Variants in PPAN observed in about 807,000 individuals in gnomAD.
PPAN encodes the protein suppressor of SWI4 1 homolog.
In PPAN, 39 loss-of-function variants were observed where a neutral mutation model predicts 48.5. The observed-to-expected ratio is 0.80, with a 90% CI of 0.62 to 1.05. PPAN has a LOEUF of 1.05. Among genes scored for constraint, PPAN ranks in the 50% least tolerant of loss-of-function variants. The pLI is 0.00. For missense variants in PPAN, 736 were observed against 661.7 expected (o/e 1.11, Z -1.23); for synonymous variants, 315 against 268.6 (o/e 1.17, Z -1.69).
In PPAN at chr19:10,109,874, C is replaced by G. The variant is rs751234089; in HGVS notation, c.591-39C>G. The G allele has an allele frequency of 2.5e-5, 40 of 1,610,566 alleles. No homozygotes were observed. In the South Asian group the frequency reaches 3.4e-4, roughly 14 times the overall value. On this transcript the variant is annotated intron_variant, in intron 6 of 11. Transcript: ENST00000253107. ...GGCACCGCCAGCCCCATCACGTGCC[C>G]CCTGACCACCCCCTTGCCGTCCACT... is the stretch of plus-strand genomic sequence containing the variant.
chr19:10,110,549 G>A lies in PPAN; in HGVS notation c.966G>A (p.Lys322=), dbSNP rs770371376. Residue 322 remains lysine, a synonymous_variant, in exon 10 of 12, where the codon AAG becomes AAA. Coordinates refer to ENST00000253107, the MANE Select transcript of PPAN (RefSeq NM_020230.7). This position sits in a 1 kb window ranked among gnomAD's most constrained non-coding sequence, Gnocchi z 5.9. ...LEAKEKKLRL[K]AQRQAQQAQN... is the part of the protein sequence containing the mutation. ...CCAAGGAGAAGAAGCTGCGGCTGAA[G>A]GCGCAGAGGCAGGCCCAGCAGGCCC... is the stretch of plus-strand genomic sequence containing the variant. 2.5e-6 allele frequency: 4 copies of A among 1,609,640 alleles called. No homozygotes were observed. The highest frequency in any genetic ancestry group is 1.3e-5 in the African/African-American group (1 of 74,858).
intron 5 of PPAN, 34 bp from the exon 6 acceptor site, chr19:10,109,597 T>A (rs1236324708): frequency 6.3e-7 from 1 of 1,591,890 alleles, no homozygotes; most frequent in Non-Finnish European, 8.6e-7. Context: ...TTGCCATGAG[T>A]CTACTGGACT....
At position 10,110,588 on chromosome 19, in the gene PPAN, C is replaced by T; in HGVS notation, c.1005C>T (p.Arg335=). ...RQAQQAQNVQ[R]KQEQREAHRK... Reference sequence around the variant, plus strand: ...CCCAGCAGGCCCAGAATGTGCAGCGCAAGCAGGAGCAGCGGGAGGCCCACA... The same window carrying T: ...CCCAGCAGGCCCAGAATGTGCAGCGTAAGCAGGAGCAGCGGGAGGCCCACA... The change falls in exon 10 of 12, where the codon CGC becomes CGT. Residue 335 remains arginine, a synonymous_variant. Transcript: ENST00000253107. This position sits in a 1 kb window ranked among gnomAD's most constrained non-coding sequence, Gnocchi z 5.9. 2 of 1,602,768 alleles carry T rather than the reference C, an allele frequency of 1.2e-6. No individual in the cohort carries two copies. The highest frequency in any genetic ancestry group is 1.7e-6 in the Non-Finnish European group (2 of 1,175,538).
At chr19:10,109,373 C>G (rs372460708) in intron 5 of PPAN, among the ~76,000 whole-genome samples, 13 of 152,164 alleles carry the variant, frequency 8.5e-5, no homozygotes, top group African/African-American at 3.1e-4. Context: ...GCGTGCACCA[C>G]CACATCCAAC....
intron 6 of PPAN, 54 bp downstream of exon 6, chr19:10,109,761 A>C: frequency 6.3e-7 from 1 of 1,595,756 alleles, no homozygotes; most frequent in East Asian, 2.2e-5. Flanking sequence ...GGGCCTCCAC[A>C]TGCGGCTGAT....
Position 10,110,486 on chromosome 19 carries a change from G to A in PPAN, c.903G>A (p.Val301=). 1 of 1,612,510 alleles carries A rather than the reference G, an allele frequency of 6.2e-7. No individual in the cohort carries two copies. Among genetic ancestry groups the A allele is most frequent in the Non-Finnish European group, 8.5e-7 (1 of 1,179,722 alleles). The change falls in exon 10 of 12, where the codon GTG becomes GTA. Residue 301 remains valine (V), a splice_region_variant and synonymous_variant. Coordinates refer to ENST00000253107, the MANE Select transcript of PPAN (RefSeq NM_020230.7). The surrounding 1 kb of genome is among the most constrained non-coding windows in gnomAD (Gnocchi z 5.9). ...GEGKVMFHSF[V]SKTEEELQAI... is the part of the protein sequence containing the mutation. ...GGTGACCCGCGTCTCTTGGCTCAGT[G>A]AGCAAGACGGAGGAGGAGCTGCAGG... is the stretch of plus-strand genomic sequence containing the variant.
upstream of PPAN, chr19:10,106,292 C>CGCCT: frequency 6.6e-7 from 1 of 1,526,382 alleles, no homozygotes; most frequent in Non-Finnish European, 8.8e-7. Flanking sequence ...TGCGCAGGCC[C>CGCCT]GCCTGATGTC....
At position 10,108,963 on chromosome 19, in the gene PPAN, C is replaced by CTTTT. The variant is rs1304271167; in HGVS notation, c.514-655_514-652dup. Among the ~76,000 whole-genome samples the CTTTT allele has an allele frequency of 1.4e-4, 19 of 138,578 alleles. No individual in the cohort carries two copies. The East Asian group carries it at 3.5e-3, about 26-fold the overall frequency. 90.9% of individuals were successfully genotyped at this position (138,578 alleles called of 152,430 possible). ...TCTGGGACCAGAATTTCTTGTTTAC[C>CTTTT]TTTTTTTTTTTTTTTTGAGACGGAG... On this transcript the variant is annotated intron_variant, in intron 5 of 11. Coordinates refer to ENST00000253107, the MANE Select transcript of PPAN (RefSeq NM_020230.7).
In PPAN at chr19:10,110,253, C is replaced by T. The variant is rs765013221; in HGVS notation, c.822+7C>T. On this transcript the variant is annotated splice_region_variant and intron_variant, in intron 8 of 11. Transcript: ENST00000253107. The surrounding 1 kb of genome is among the most constrained non-coding windows in gnomAD (Gnocchi z 5.9). ...TGCAGTGCGGCTCACCGAGGTGAGG[C>T]CCAGGGCAGGGGGACCCCCGGGCTC... The T allele has an allele frequency of 3.1e-6, 5 of 1,612,018 alleles. No individual in the cohort carries two copies. The highest frequency in any genetic ancestry group is 4.2e-6 in the Non-Finnish European group (5 of 1,179,612).
rs2089067104 is a variant in PPAN at position 10,111,360 on chromosome 19, T to A, written c.*195T>A. On this transcript the variant is annotated 3_prime_UTR_variant, in exon 12 of 12. Transcript: ENST00000253107. ...CCATACAAAGCAACCCAGAGAGTCC[T>A]GGGCCGGCCACACCCGAGAGTCCCT... 2 of 745,066 alleles carry A rather than the reference T, an allele frequency of 2.7e-6. No individual in the cohort carries two copies. The highest frequency in any genetic ancestry group is 4.3e-6 in the Non-Finnish European group (2 of 470,390). The allele number at this position is 745,066 out of a possible 1,614,324, so 46.2% of individuals were successfully genotyped here. A position where few individuals can be genotyped will look rare whatever the true frequency, so the allele number is the denominator to read the frequency against.
chr19:10,110,076 C>G lies in PPAN; in HGVS notation c.699-47C>G, dbSNP rs373731881. On this transcript the variant is annotated intron_variant, in intron 7 of 11. Coordinates refer to ENST00000253107, the MANE Select transcript of PPAN (RefSeq NM_020230.7). This position sits in a 1 kb window ranked among gnomAD's most constrained non-coding sequence, Gnocchi z 5.9. Reference sequence around the variant, plus strand: ...CGGCCCGGGGACCCCAGAACAGGACCGGGAGCCTGAGCTCCCCCACTGAGC... The same window carrying G: ...CGGCCCGGGGACCCCAGAACAGGACGGGGAGCCTGAGCTCCCCCACTGAGC... 3 of 1,609,838 alleles carry G rather than the reference C, an allele frequency of 1.9e-6. No homozygotes were observed. Among genetic ancestry groups the G allele is most frequent in the African/African-American group, 2.7e-5 (2 of 74,906 alleles).
At position 10,111,602 on chromosome 19, in the gene PPAN, T is replaced by G; in HGVS notation, c.*437T>G. Reference sequence around the variant, plus strand: ...TGGGTGGAAAGGCACGCTGGCCTGCTCTGCTGGCTGGGCCAGTAACTGGGG... The same window carrying G: ...TGGGTGGAAAGGCACGCTGGCCTGCGCTGCTGGCTGGGCCAGTAACTGGGG... On this transcript the variant is annotated 3_prime_UTR_variant, in exon 12 of 12. Coordinates refer to ENST00000253107, the MANE Select transcript of PPAN (RefSeq NM_020230.7). The G allele has an allele frequency of 7.7e-7, 1 of 1,294,368 alleles. No homozygotes were observed. The highest frequency in any genetic ancestry group is 1.1e-6 in the Non-Finnish European group (1 of 899,260). The allele number at this position is 1,294,368 out of a possible 1,614,324, so 80.2% of individuals were successfully genotyped here. A position where few individuals can be genotyped will look rare whatever the true frequency, so the allele number is the denominator to read the frequency against.
In PPAN at chr19:10,110,430, G is replaced by T. The variant is rs762194912; in HGVS notation, c.901+28G>T. 11 of 1,612,788 alleles carry T rather than the reference G, an allele frequency of 6.8e-6. No individual in the cohort carries two copies. In the East Asian group the frequency reaches 2.5e-4, roughly 36 times the overall value. On this transcript the variant is annotated intron_variant, in intron 9 of 11. Transcript: ENST00000253107. The surrounding 1 kb of genome is among the most constrained non-coding windows in gnomAD (Gnocchi z 5.9). ...GAGGCCGGGGCCGCCGGGGGTGGGG[G>T]GTCATGGGTGTGGAGCTGCACCCGG...
Position 10,111,150 on chromosome 19 carries a change from G to A in PPAN, c.1407G>A (p.Gly469=). The part of the protein sequence containing the change: ...GGRGRGRGRP[G]KRVA ...GAGGCCGGGGCCGGGGCCGCCCAGG[G>A]AAGAGAGTGGCCTGAGCCCAAGCCG... is the stretch of plus-strand genomic sequence containing the variant. Residue 469 remains glycine (G), a synonymous_variant, in exon 12 of 12, where the codon GGG becomes GGA. Transcript: ENST00000253107. The A allele has an allele frequency of 6.3e-7, 1 of 1,594,174 alleles. No homozygotes were observed. Among genetic ancestry groups the A allele is most frequent in the Non-Finnish European group, 8.5e-7 (1 of 1,172,144 alleles).
chr19:10,108,514 C>T (rs1050880461), intron 5 of PPAN, among the ~76,000 whole-genome samples: 35 of 152,076 alleles, frequency 2.3e-4, no homozygotes, highest in South Asian at 8.3e-4. Flanking sequence ...TTTGGGAGGG[C>T]GAGGTGGGAG....
Position 10,110,613 on chromosome 19 carries a change from A to G in PPAN, c.1030A>G (p.Arg344Gly). Residue 344 changes from arginine to glycine, a missense_variant and splice_region_variant, in exon 10 of 12, where the codon AGA becomes GGA. Arg to Gly is a moderately radical substitution (Grantham distance 125). Coordinates refer to ENST00000253107, the MANE Select transcript of PPAN (RefSeq NM_020230.7). This position sits in a 1 kb window ranked among gnomAD's most constrained non-coding sequence, Gnocchi z 5.9. ...QRKQEQREAH[R>G]KKSLEGMKKA... ...CAAGCAGGAGCAGCGGGAGGCCCACAGGTCCAGGCAGAGCTGGGAAGGGCA... is the reference window on the plus strand; with the variant it reads ...CAAGCAGGAGCAGCGGGAGGCCCACGGGTCCAGGCAGAGCTGGGAAGGGCA... 2 of 1,605,972 alleles carry G rather than the reference A, an allele frequency of 1.2e-6. No homozygotes were observed. The highest frequency in any genetic ancestry group is 1.7e-6 in the Non-Finnish European group (2 of 1,176,668).
Position 10,110,135 on chromosome 19 carries a change from G to A in PPAN, c.711G>A (p.Leu237=). The A allele has an allele frequency of 1.2e-6, 2 of 1,610,570 alleles. No homozygotes were observed. Among genetic ancestry groups the A allele is most frequent in the Non-Finnish European group, 1.7e-6 (2 of 1,179,926 alleles). ...ISELLATGAG[L]SESEAEPDGD... Reference sequence around the variant, plus strand: ...GTCCTACACACAGGGGCGCGGGGCTGTCGGAGAGCGAGGCAGAGCCTGACG... The same window carrying A: ...GTCCTACACACAGGGGCGCGGGGCTATCGGAGAGCGAGGCAGAGCCTGACG... Residue 237 remains leucine (L), a synonymous_variant, in exon 8 of 12, where the codon CTG becomes CTA. Transcript: ENST00000253107. The surrounding 1 kb of genome is among the most constrained non-coding windows in gnomAD (Gnocchi z 5.9).
At chr19:10,106,767 A>C (rs2088844089) in intron 2 of PPAN, 96 bp downstream of exon 2, 2 of 1,442,750 alleles carry the variant, frequency 1.4e-6, no homozygotes, top group African/African-American at 1.4e-5. Flanking sequence ...GGAGGACTTA[A>C]GTCTCCCCAG....
chr19:10,107,480 C>G (rs545734029), intron 2 of PPAN, 25 bp from the exon 3 acceptor site: 26 of 1,610,270 alleles, frequency 1.6e-5, no homozygotes, highest in African/African-American at 2.7e-5. Context: ...GCTATGTTTT[C>G]TTTTTTTCTT....
Sources: gnomAD v4.1 joint callset for allele counts (sites outside exome capture counted in the v4.1 genomes callset) on GRCh38, gnomAD v4.1.1 for gene constraint, Gnocchi (gnomAD v3.1) non-coding constraint, MANE v1.5 for transcripts, NCBI Gene and HGNC (gene_info 2026-07-23, HGNC 2026-07-21) for gene names.